Variants in PACRGL observed in about 807,000 individuals in gnomAD.
The protein encoded by PACRGL is PACRG-like protein.
PACRGL carries 38 observed loss-of-function variants against 34.5 expected under a neutral mutation model. The ratio of observed to expected loss-of-function variants is 1.10; its 90% CI spans 0.85 to 1.44. The LOEUF (loss-of-function observed/expected upper bound fraction) is 1.44. PACRGL is among the 40% of genes most tolerant of loss of function. The probability of loss-of-function intolerance (pLI) is 0.00; values close to 1 mark genes in which losing one functional copy is unlikely to be tolerated. For missense variants in PACRGL, 305 were observed against 281.4 expected (o/e 1.08, Z -0.60); for synonymous variants, 128 against 100.1 (o/e 1.28, Z -1.66).
At chr4:20,706,444 C>G (rs866454420) in intron 3 of PACRGL, among the ~76,000 whole-genome samples, 58 of 152,076 alleles carry the variant, frequency 3.8e-4, no homozygotes, top group Middle Eastern at 3.2e-3. Flanking sequence ...AAACAACTTT[C>G]TTATCGGATA....
chr4:20,709,107 T>G (rs929207001), intron 4 of PACRGL, among the ~76,000 whole-genome samples: 1 of 152,068 alleles, frequency 6.6e-6, no homozygotes, highest in Admixed American at 6.5e-5. Context: ...CCATTACACT[T>G]GAGCCTGGGC....
At chr4:20,734,774 TAAAAA>T, downstream of PACRGL, 1 of 1,290,954 alleles carries the variant, frequency 7.7e-7, no homozygotes, top group Non-Finnish European at 1.1e-6. Context: ...ATGACATTTT[TAAAAA>T]AACAAAAACA....
chr4:20,746,981 A>T (rs1042155452), intron 8 of PACRGL, among the ~76,000 whole-genome samples: 1 of 152,214 alleles, frequency 6.6e-6, no homozygotes, highest in African/African-American at 2.4e-5. Context: ...TAGAAAAGTA[A>T]CTGCAACAGC....
Position 20,728,154 on chromosome 4 carries a change from C to CAGAGT in PACRGL, c.*815_*819dup, listed in dbSNP as rs950750843. ...TAATGTACAATGCTTGGAAAATTTT[C>CAGAGT]AGAGTATTCTAGTTTAAAAAATTTT... On this transcript the variant is annotated 3_prime_UTR_variant, in exon 9 of 9. Coordinates refer to ENST00000503585, the MANE Select transcript of PACRGL (RefSeq NM_001258345.3). 5 of 152,152 alleles carry CAGAGT rather than the reference C, an allele frequency of 3.3e-5. No individual in the cohort carries two copies. Among genetic ancestry groups the CAGAGT allele is most frequent in the Non-Finnish European group, 7.3e-5 (5 of 68,032 alleles). The allele number at this position is 152,152 out of a possible 1,614,324, so 9.4% of individuals were successfully genotyped here.
At chr4:20,749,811 C>G in intron 8 of PACRGL, 1 of 893,940 alleles carries the variant, frequency 1.1e-6, no homozygotes, top group Non-Finnish European at 1.8e-6. Flanking sequence ...TCCAAGCTTC[C>G]TTTGATCCAG....
chr4:20,751,672 C>T (rs898571312), intron 8 of PACRGL, among the ~76,000 whole-genome samples: 2 of 151,996 alleles, frequency 1.3e-5, no homozygotes, highest in East Asian at 1.9e-4. Flanking sequence ...CTCAAAACAA[C>T]GATGTTTGCT....
chr4:20,723,923 A>T (rs910537574), intron 7 of PACRGL, among the ~76,000 whole-genome samples: 7 of 152,126 alleles, frequency 4.6e-5, no homozygotes, highest in Non-Finnish European at 7.3e-5. Flanking sequence ...ATGAGGTGCT[A>T]TCGGATCCCC....
chr4:20,712,692 T>G, intron 5 of PACRGL, 96 bp from the exon 6 acceptor site: 1 of 1,077,220 alleles, frequency 9.3e-7, no homozygotes, highest in Non-Finnish European at 1.2e-6. Flanking sequence ...AATAATGAAA[T>G]TTTTGATTTT....
downstream of PACRGL, among the ~76,000 whole-genome samples, chr4:20,734,176 A>G (rs1221641123): frequency 6.6e-6 from 1 of 152,042 alleles, no homozygotes; most frequent in Admixed American, 6.6e-5. Context: ...TGGTCTGTGA[A>G]CCTTGTTTCC....
At chr4:20,750,098 T>C (rs1391471441) in intron 8 of PACRGL, among the ~76,000 whole-genome samples, 1 of 152,218 alleles carries the variant, frequency 6.6e-6, no homozygotes, top group East Asian at 1.9e-4. Context: ...AGTAAAGTAC[T>C]AAAAATACTA....
At chr4:20,705,725 C>A (rs1490799730) in intron 3 of PACRGL, among the ~76,000 whole-genome samples, 1 of 151,568 alleles carries the variant, frequency 6.6e-6, no homozygotes, top group South Asian at 2.1e-4. Context: ...TATTTAGTGA[C>A]CTTAGTCCTA....
chr4:20,714,307 A>G (rs1738736682), intron 7 of PACRGL, among the ~76,000 whole-genome samples: 1 of 152,164 alleles, frequency 6.6e-6, no homozygotes, highest in Admixed American at 6.6e-5. Context: ...TTTATCCAAG[A>G]CTAGAACTGC....
At chr4:20,713,029 A>C in intron 6 of PACRGL, 107 bp downstream of exon 6, 1 of 1,198,048 alleles carries the variant, frequency 8.3e-7, no homozygotes, top group African/African-American at 1.5e-5. Flanking sequence ...TTATATGCAA[A>C]GTAGTCCTTT....
At chr4:20,742,804 A>G (rs1157791448) in intron 8 of PACRGL, among the ~76,000 whole-genome samples, 2 of 152,288 alleles carry the variant, frequency 1.3e-5, no homozygotes. Context: ...ATGATTGTAT[A>G]TTTAGAAAAC....
At chr4:20,758,384 A>T in the PACRGL span, among the ~76,000 whole-genome samples, 341 of 152,284 alleles carry the variant, frequency 2.2e-3, 2 homozygotes, top group African/African-American at 7.2e-3. Flanking sequence ...TCTGCCACTG[A>T]GTCAATATGT....
upstream of PACRGL, among the ~76,000 whole-genome samples, chr4:20,697,323 G>T (rs567781375): frequency 1.1e-4 from 16 of 152,140 alleles, 1 homozygote; most frequent in Admixed American, 6.5e-4. Flanking sequence ...TTCTTTACAA[G>T]AATTAAGACA....
At chr4:20,725,207 C>T (rs1251351028) in intron 8 of PACRGL, among the ~76,000 whole-genome samples, 1 of 152,096 alleles carries the variant, frequency 6.6e-6, no homozygotes, top group African/African-American at 2.4e-5. Flanking sequence ...TAGTTTTGAC[C>T]ATCGAAAAGT....
chr4:20,718,524 A>T (rs933727314), intron 7 of PACRGL, among the ~76,000 whole-genome samples: 4 of 152,094 alleles, frequency 2.6e-5, no homozygotes, highest in African/African-American at 9.7e-5. Context: ...TAATCTATTG[A>T]GAGTTTTTAG....
At chr4:20,706,893 T>C (rs540574358) in intron 3 of PACRGL, among the ~76,000 whole-genome samples, 18 of 152,290 alleles carry the variant, frequency 1.2e-4, no homozygotes, top group Admixed American at 7.2e-4. Context: ...TCTTTTATTG[T>C]AATTTAATTT....
Sources: gnomAD v4.1 joint callset for allele counts (sites outside exome capture counted in the v4.1 genomes callset) on GRCh38, gnomAD v4.1.1 for gene constraint, MANE v1.5 for transcripts, NCBI Gene and HGNC (gene_info 2026-07-23, HGNC 2026-07-21) for gene names.